RSPO2: variants seen among roughly 807,000 people sequenced by gnomAD.
RSPO2 encodes the protein R-spondin 2.
A neutral mutation model predicts 30.9 loss-of-function variants in RSPO2; 14 were observed. That is an observed-to-expected ratio of 0.45 (90% CI 0.30 to 0.71). RSPO2 has a LOEUF of 0.71. Among genes scored for constraint, RSPO2 ranks in the 30% least tolerant of loss-of-function variants. The pLI is 0.08. For missense variants in RSPO2, 264 were observed against 301.9 expected, an observed-to-expected ratio of 0.87 and a Z score of 0.93; for synonymous variants, 107 against 96.4, an observed-to-expected ratio of 1.11 and a Z score of -0.64.
chr8:107,978,355 A>C (rs1445347217), intron 3 of RSPO2, among the ~76,000 whole-genome samples: 1 of 152,156 alleles, frequency 6.6e-6, no homozygotes, highest in Admixed American at 6.5e-5. Context: ...TGAACCCAGG[A>C]GGCAGAGATT....
chr8:107,971,356 C>T (rs1813993451), intron 3 of RSPO2, among the ~76,000 whole-genome samples: 1 of 152,142 alleles, frequency 6.6e-6, no homozygotes, highest in Non-Finnish European at 1.5e-5. Context: ...TATCAAAAAT[C>T]ATATAGCCAA....
intron 5 of RSPO2, among the ~76,000 whole-genome samples, chr8:107,922,561 C>T (rs1035600865): frequency 6.6e-6 from 1 of 152,108 alleles, no homozygotes; most frequent in African/African-American, 2.4e-5. Flanking sequence ...ATCAAACTAC[C>T]AATGACATTT....
intron 5 of RSPO2, among the ~76,000 whole-genome samples, chr8:107,914,583 T>C (rs1350904197): frequency 1.3e-5 from 2 of 152,158 alleles, no homozygotes; most frequent in Non-Finnish European, 2.9e-5. Context: ...GTTATAATAA[T>C]GTCTTTATGT....
intron 5 of RSPO2, among the ~76,000 whole-genome samples, chr8:107,948,993 T>A (rs140222689): frequency 0.011 from 1,651 of 151,634 alleles, 39 homozygotes; most frequent in African/African-American, 0.037. Flanking sequence ...TCAAATTTTA[T>A]TGCATATTAG....
At chr8:107,911,402 A>G (rs1811822923) in intron 5 of RSPO2, among the ~76,000 whole-genome samples, 1 of 152,180 alleles carries the variant, frequency 6.6e-6, no homozygotes, top group Non-Finnish European at 1.5e-5. Context: ...GGTTAAGAAC[A>G]TGAGTCTGGG....
intron 2 of RSPO2, among the ~76,000 whole-genome samples, chr8:108,031,226 G>C (rs1055064064): frequency 4.6e-5 from 7 of 152,104 alleles, no homozygotes; most frequent in Non-Finnish European, 1.0e-4. Context: ...CCTTCAAATA[G>C]TGGCTATAAA....
chr8:108,007,638 T>A (rs1815493803), intron 2 of RSPO2, among the ~76,000 whole-genome samples: 2 of 152,214 alleles, frequency 1.3e-5, no homozygotes, highest in African/African-American at 2.4e-5. Flanking sequence ...CAGAACTTGA[T>A]ACTGTAGAAA....
chr8:108,061,817 G>A (rs1384401502), intron 2 of RSPO2, among the ~76,000 whole-genome samples: 1 of 151,630 alleles, frequency 6.6e-6, no homozygotes, highest in Admixed American at 6.6e-5. Flanking sequence ...TAAAAGAACA[G>A]AAATTATAAC....
At chr8:108,060,816 T>A (rs1812431705) in intron 2 of RSPO2, among the ~76,000 whole-genome samples, 1 of 151,770 alleles carries the variant, frequency 6.6e-6, no homozygotes, top group Non-Finnish European at 1.5e-5. Flanking sequence ...GGGAAGCCCA[T>A]CAGACTAACA....
rs1813273770 is a variant in RSPO2, at chr8:108,083,280, T to TGGGCTGGGGAAAAGTTTGCCGAGAC, written c.-278_-254dup. ...GGAAGCGAGCCGCTTGGTTAGCACGTGGGCTGGGGAAAAGTTTGCCGAGAC... is the reference window on the plus strand; with the variant it reads ...GGAAGCGAGCCGCTTGGTTAGCACGTGGGCTGGGGAAAAGTTTGCCGAGACGGGCTGGGGAAAAGTTTGCCGAGAC... On this transcript the variant is annotated 5_prime_UTR_variant, in exon 1 of 6. Coordinates refer to ENST00000276659, the MANE Select transcript of RSPO2 (RefSeq NM_178565.5). 1 of 152,182 alleles carries TGGGCTGGGGAAAAGTTTGCCGAGAC rather than the reference T, an allele frequency of 6.6e-6. No homozygotes were observed. The highest frequency in any genetic ancestry group is 1.9e-4 in the East Asian group (1 of 5,158). The allele number at this position is 152,182 out of a possible 1,614,324, so 9.4% of individuals were successfully genotyped here. A position where few individuals can be genotyped will look rare whatever the true frequency, so the allele number is the denominator to read the frequency against.
At position 108,012,336 on chromosome 8, in the gene RSPO2, C is replaced by T. The variant is rs74485383; in HGVS notation, c.95-23092G>A. Among the ~76,000 whole-genome samples the T allele has an allele frequency of 7.3e-3, 1,111 of 152,282 alleles. 37 individuals carry two copies. The East Asian group carries it at 0.078, about 11-fold the overall frequency. On this transcript the variant is annotated intron_variant, in intron 2 of 5. Coordinates refer to ENST00000276659, the MANE Select transcript of RSPO2 (RefSeq NM_178565.5). ...CCACACCTTGTGTATTGCAGAATCACGGGCCTCACTCTACTGGTGAATCCA... is the reference window on the plus strand; with the variant it reads ...CCACACCTTGTGTATTGCAGAATCATGGGCCTCACTCTACTGGTGAATCCA...
intron 2 of RSPO2, among the ~76,000 whole-genome samples, chr8:107,998,240 G>T (rs993908320): frequency 4.6e-5 from 7 of 151,872 alleles, no homozygotes; most frequent in Non-Finnish European, 7.4e-5. Context: ...AGAGAGGTAG[G>T]GGGGAAACCC....
At chr8:107,987,920 A>C (rs1005609133) in intron 3 of RSPO2, among the ~76,000 whole-genome samples, 1 of 152,144 alleles carries the variant, frequency 6.6e-6, no homozygotes, top group Non-Finnish European at 1.5e-5. Context: ...TCATATATAT[A>C]TGAGTGATTT....
At chr8:108,075,825 T>C (rs916354514) in intron 2 of RSPO2, among the ~76,000 whole-genome samples, 5 of 152,066 alleles carry the variant, frequency 3.3e-5, no homozygotes, top group Non-Finnish European at 7.4e-5. Context: ...AAAATAATTT[T>C]AAGGGAAAAC....
intron 5 of RSPO2, among the ~76,000 whole-genome samples, chr8:107,910,987 C>T (rs533785794): frequency 6.6e-6 from 1 of 152,288 alleles, no homozygotes; most frequent in African/African-American, 2.4e-5. Flanking sequence ...TTCAATTACA[C>T]TCATGTCAAC....
At chr8:108,007,055 A>C (rs1266751457) in intron 2 of RSPO2, among the ~76,000 whole-genome samples, 8 of 152,198 alleles carry the variant, frequency 5.3e-5, no homozygotes, top group Non-Finnish European at 2.9e-5. Flanking sequence ...AAAGTATTAC[A>C]AATATGTTGT....
intron 3 of RSPO2, among the ~76,000 whole-genome samples, chr8:107,966,416 T>A (rs1813807087): frequency 6.6e-6 from 1 of 152,050 alleles, no homozygotes; most frequent in South Asian, 2.1e-4. Context: ...AATTAGGGAA[T>A]AAATGACTAC....
rs576612837 is a variant in RSPO2, at chr8:108,060,799, C to T, written c.94+21746G>A. On this transcript the variant is annotated intron_variant, in intron 2 of 5. Coordinates refer to ENST00000276659, the MANE Select transcript of RSPO2 (RefSeq NM_178565.5). ...CAGCCAGAGAGAAAGGTCGGGTTAC[C>T]CTCAAAGGGAAGCCCATCAGACTAA... 1.2e-4 allele frequency among the ~76,000 whole-genome samples: 18 copies of T among 151,846 alleles called. No homozygotes were observed. In the South Asian group the frequency reaches 3.5e-3, roughly 30 times the overall value.
chr8:108,029,254 T>C (rs1251428887), intron 2 of RSPO2, among the ~76,000 whole-genome samples: 2 of 151,938 alleles, frequency 1.3e-5, no homozygotes, highest in African/African-American at 4.8e-5. Context: ...AATGGCAGAA[T>C]TGAGGAGTTG....
Sources: allele counts gnomAD v4.1 joint callset (sites outside exome capture counted in the v4.1 genomes callset), GRCh38; gene constraint gnomAD v4.1.1; transcripts MANE v1.5; gene names NCBI Gene and HGNC (gene_info 2026-07-23, HGNC 2026-07-21).